Variants in MC5R observed in about 807,000 individuals in gnomAD.
The protein encoded by MC5R is melanocortin receptor 5.
For synonymous variants in MC5R, 167 were observed against 164.4 expected (o/e 1.02, Z -0.12); for missense variants, 420 against 431.4 (o/e 0.97, Z 0.23).
In MC5R at chr18:13,826,598, A is replaced by G. The variant is rs760570894; in HGVS notation, c.833A>G (p.Asn278Ser). The G allele has an allele frequency of 2.5e-6, 4 of 1,614,068 alleles. No individual in the cohort carries two copies. The highest frequency in any genetic ancestry group is 2.2e-5 in the East Asian group (1 of 44,860). The change falls in exon 2 of 2, where the codon AAT (asparagine) becomes AGT (serine). Residue 278 changes from asparagine (N) to serine (S), a missense_variant. Coordinates refer to ENST00000589410, the MANE Select transcript of MC5R (RefSeq NM_005913.3). Reference protein sequence around the residue: ...LYCSRFMSHFNMYLILIMCNS... With the variant: ...LYCSRFMSHFSMYLILIMCNS... ...TGCTCTCGCTTCATGTCTCACTTCA[A>G]TATGTACCTCATACTCATCATGTGT...
In MC5R at chr18:13,825,798, T is replaced by G; in HGVS notation, c.33T>G (p.Asp11Glu). Residue 11 changes from aspartate to glutamate, a missense_variant, in exon 2 of 2, where the codon GAT becomes GAG. Transcript: ENST00000589410. MNSSFHLHFLDLNLNATEGNL... is the reference protein window; with the variant it reads MNSSFHLHFLELNLNATEGNL... ...CCTCATTTCACCTGCATTTCTTGGA[T>G]CTCAACCTGAATGCCACAGAGGGCA... is the stretch of plus-strand genomic sequence containing the variant. 6.3e-7 allele frequency: 1 copy of G among 1,591,564 alleles called. No individual in the cohort carries two copies. Among genetic ancestry groups the G allele is most frequent in the Non-Finnish European group, 8.5e-7 (1 of 1,171,316 alleles).
Position 13,826,435 on chromosome 18 carries a change from G to T in MC5R, c.670G>T (p.Gly224Trp), listed in dbSNP as rs761533746. The stretch of plus-strand genomic sequence containing the variant: ...CGTCAAGCGGATCGCGGCTCTGCCC[G>T]GGGCCAGCTCTGCGCGGCAGAGGAC... ...THVKRIAALP[G>W]ASSARQRTSM... The change falls in exon 2 of 2, where the codon GGG becomes TGG. Residue 224 changes from glycine to tryptophan, a missense_variant. Physicochemically the swap from Gly to Trp is radical, Grantham distance 184. Coordinates refer to ENST00000589410, the MANE Select transcript of MC5R (RefSeq NM_005913.3). 1 of 1,613,798 alleles carries T rather than the reference G, an allele frequency of 6.2e-7. No individual in the cohort carries two copies. The highest frequency in any genetic ancestry group is 1.3e-5 in the African/African-American group (1 of 75,022).
Position 13,825,971 on chromosome 18 carries a change from C to T in MC5R, c.206C>T (p.Ser69Phe), listed in dbSNP as rs981025616. The T allele has an allele frequency of 3.7e-6, 6 of 1,613,986 alleles. No individual in the cohort carries two copies. The African/African-American group carries it at 8.0e-5, about 22-fold the overall frequency. The stretch of plus-strand genomic sequence containing the variant: ...ATAGTGAAGAACAAAAACCTGCACT[C>T]CCCCATGTACTTCTTCGTGTGCAGC... ...GAIVKNKNLHSPMYFFVCSLA... is the reference protein window; with the variant it reads ...GAIVKNKNLHFPMYFFVCSLA... Residue 69 changes from serine (S) to phenylalanine (F), a missense_variant, in exon 2 of 2, where the codon TCC (serine) becomes TTC (phenylalanine). Physicochemically the swap from Ser to Phe is radical, Grantham distance 155. Transcript: ENST00000589410.
rs1374787544 is a variant in MC5R at position 13,826,957 on chromosome 18, T to C, written c.*214T>C. On this transcript the variant is annotated 3_prime_UTR_variant, in exon 2 of 2. Transcript: ENST00000589410. The stretch of plus-strand genomic sequence containing the variant: ...TCTGGGGACAGTCATGACAATTTCT[T>C]ACTGTCCTTTTGTGTCCTATGGTTT... 2.7e-5 allele frequency: 15 copies of C among 550,288 alleles called. 1 individual carries two copies. Among genetic ancestry groups the C allele is most frequent in the Non-Finnish European group, 4.4e-5 (14 of 317,480 alleles). 34.1% of individuals were successfully genotyped at this position (550,288 alleles called of 1,614,324 possible). A position where few individuals can be genotyped will look rare whatever the true frequency, so the allele number is the denominator to read the frequency against.
chr18:13,825,280 G>T (rs990620031), intron 1 of MC5R, among the ~76,000 whole-genome samples: 6 of 152,310 alleles, frequency 3.9e-5, no homozygotes, highest in African/African-American at 1.4e-4. Flanking sequence ...GCCATAAAAA[G>T]TGAAACTGTC....
In MC5R at chr18:13,825,462, G is replaced by A. The variant is rs1012960400; in HGVS notation, c.-39-265G>A. The A allele has an allele frequency of 4.3e-5, 11 of 256,784 alleles. No homozygotes were observed. In the Admixed American group the frequency reaches 5.0e-4, roughly 12 times the overall value. The allele number at this position is 256,784 out of a possible 1,614,324, so 15.9% of individuals were successfully genotyped here. On this transcript the variant is annotated intron_variant, in intron 1 of 1. Coordinates refer to ENST00000589410, the MANE Select transcript of MC5R (RefSeq NM_005913.3). ...GTGCAAGCCAGCTGCCGGGCACGTG[G>A]CTCACCCCTGTAGTACCAGCACTTT...
In MC5R at chr18:13,826,593, C is replaced by T. The variant is rs1408719364; in HGVS notation, c.828C>T (p.His276=). The change falls in exon 2 of 2, where the codon CAC becomes CAT. Residue 276 remains histidine, a synonymous_variant. Coordinates refer to ENST00000589410, the MANE Select transcript of MC5R (RefSeq NM_005913.3). The part of the protein sequence containing the change: ...QNLYCSRFMS[H]FNMYLILIMC... The stretch of plus-strand genomic sequence containing the variant: ...TCTACTGCTCTCGCTTCATGTCTCA[C>T]TTCAATATGTACCTCATACTCATCA... 10 of 1,614,062 alleles carry T rather than the reference C, an allele frequency of 6.2e-6. No homozygotes were observed. Among genetic ancestry groups the T allele is most frequent in the Middle Eastern group, 1.6e-4 (1 of 6,082 alleles).
At position 13,827,040 on chromosome 18, in the gene MC5R, C is replaced by T. The variant is rs534161874; in HGVS notation, c.*297C>T. 59 of 340,590 alleles carry T rather than the reference C, an allele frequency of 1.7e-4. No homozygotes were observed. The Admixed American group carries it at 2.1e-3, about 12-fold the overall frequency. The allele number at this position is 340,590 out of a possible 1,614,324, so 21.1% of individuals were successfully genotyped here. ...CCACCCTCCACCTAGCAGGCATGTG[C>T]TCGGGGAATGCACAGCACCCTCAGT... is the stretch of plus-strand genomic sequence containing the variant. On this transcript the variant is annotated 3_prime_UTR_variant, in exon 2 of 2. Coordinates refer to ENST00000589410, the MANE Select transcript of MC5R (RefSeq NM_005913.3).
intron 1 of MC5R, chr18:13,825,434 A>C: frequency 4.7e-6 from 1 of 212,718 alleles, no homozygotes. Flanking sequence ...CGCAGGTCAG[A>C]ATGTGCAAGC....
intron 1 of MC5R, among the ~76,000 whole-genome samples, chr18:13,825,059 G>C (rs2044919660): frequency 6.6e-6 from 1 of 152,198 alleles, no homozygotes; most frequent in Non-Finnish European, 1.5e-5. Flanking sequence ...GCTGAATCCT[G>C]ATGGGTCTAA....
At position 13,825,974 on chromosome 18, in the gene MC5R, C is replaced by T; in HGVS notation, c.209C>T (p.Pro70Leu). Residue 70 changes from proline to leucine, a missense_variant, in exon 2 of 2, where the codon CCC (proline) becomes CTC (leucine). Coordinates refer to ENST00000589410, the MANE Select transcript of MC5R (RefSeq NM_005913.3). Reference sequence around the variant, plus strand: ...GTGAAGAACAAAAACCTGCACTCCCCCATGTACTTCTTCGTGTGCAGCCTG... The same window carrying T: ...GTGAAGAACAAAAACCTGCACTCCCTCATGTACTTCTTCGTGTGCAGCCTG... The part of the protein sequence containing the change: ...AIVKNKNLHS[P>L]MYFFVCSLAV... 6.2e-7 allele frequency: 1 copy of T among 1,614,138 alleles called. No homozygotes were observed. Among genetic ancestry groups the T allele is most frequent in the Non-Finnish European group, 8.5e-7 (1 of 1,180,006 alleles).
Position 13,826,885 on chromosome 18 carries a change from T to A in MC5R, c.*142T>A. ...ACATGGGCCTAAGAGGCTCTCTCTG[T>A]TCAGTTCCTGGTGATTATGTCCAAC... On this transcript the variant is annotated 3_prime_UTR_variant, in exon 2 of 2. Coordinates refer to ENST00000589410, the MANE Select transcript of MC5R (RefSeq NM_005913.3). 1.2e-6 allele frequency: 1 copy of A among 839,724 alleles called. No homozygotes were observed. Among genetic ancestry groups the A allele is most frequent in the East Asian group, 2.6e-5 (1 of 38,678 alleles). 52.0% of individuals were successfully genotyped at this position (839,724 alleles called of 1,614,324 possible).
Position 13,826,170 on chromosome 18 carries a change from C to A in MC5R, c.405C>A (p.Ala135=), listed in dbSNP as rs1228694745. ...SVVASMCSLL[A]IAVDRYVTIF... ...TGGCATCCATGTGCAGCTTACTGGC[C>A]ATTGCAGTGGATAGGTACGTCACCA... The change falls in exon 2 of 2, where the codon GCC becomes GCA. Residue 135 remains alanine, a synonymous_variant. Transcript: ENST00000589410. 3 of 1,614,128 alleles carry A rather than the reference C, an allele frequency of 1.9e-6. No individual in the cohort carries two copies. In the African/African-American group the frequency reaches 4.0e-5, roughly 22 times the overall value.
In MC5R at chr18:13,826,460, C is replaced by G; in HGVS notation, c.695C>G (p.Thr232Ser). The G allele has an allele frequency of 1.2e-6, 2 of 1,613,766 alleles. No individual in the cohort carries two copies. The highest frequency in any genetic ancestry group is 8.5e-7 in the Non-Finnish European group (1 of 1,179,734). ...LPGASSARQR[T>S]SMQGAVTVTM... Reference sequence around the variant, plus strand: ...GGGGCCAGCTCTGCGCGGCAGAGGACCAGCATGCAGGGCGCGGTCACCGTC... The same window carrying G: ...GGGGCCAGCTCTGCGCGGCAGAGGAGCAGCATGCAGGGCGCGGTCACCGTC... The change falls in exon 2 of 2, where the codon ACC (threonine) becomes AGC (serine). Residue 232 changes from threonine to serine, a missense_variant. Coordinates refer to ENST00000589410, the MANE Select transcript of MC5R (RefSeq NM_005913.3).
chr18:13,825,245 T>C (rs1434226163), intron 1 of MC5R, among the ~76,000 whole-genome samples: 1 of 152,142 alleles, frequency 6.6e-6, no homozygotes, highest in African/African-American at 2.4e-5. Context: ...ACACTTATGA[T>C]AGTGAACTTG....
chr18:13,824,823 A>G lies in MC5R; in HGVS notation c.-40+549A>G, dbSNP rs552380582. Among the ~76,000 whole-genome samples, 56 of 151,782 alleles carry G rather than the reference A, an allele frequency of 3.7e-4. No homozygotes were observed. In the South Asian group the frequency reaches 0.01, roughly 28 times the overall value. ...TAAATTGCTGTTTTTTTTTTTAAAT[A>G]CTGTGCTCACGCGGACCTAATAAAC... On this transcript the variant is annotated intron_variant, in intron 1 of 1. Transcript: ENST00000589410.
chr18:13,826,413 C>T lies in MC5R; in HGVS notation c.648C>T (p.Val216=). The T allele has an allele frequency of 1.2e-6, 2 of 1,614,008 alleles. No homozygotes were observed. Among genetic ancestry groups the T allele is most frequent in the Non-Finnish European group, 1.7e-6 (2 of 1,179,928 alleles). Residue 216 remains valine (V), a synonymous_variant, in exon 2 of 2, where the codon GTC becomes GTT. Transcript: ENST00000589410. ...TGTTCCTCCTGGCGCGGACTCACGTCAAGCGGATCGCGGCTCTGCCCGGGG... is the reference window on the plus strand; with the variant it reads ...TGTTCCTCCTGGCGCGGACTCACGTTAAGCGGATCGCGGCTCTGCCCGGGG... ...IHMFLLARTH[V]KRIAALPGAS... is the part of the protein sequence containing the mutation.
rs748012920 is a variant in MC5R, at chr18:13,826,027, T to A, written c.262T>A (p.Ser88Thr). The A allele has an allele frequency of 1.2e-5, 20 of 1,614,030 alleles. No individual in the cohort carries two copies. Among genetic ancestry groups the A allele is most frequent in the African/African-American group, 2.7e-5 (2 of 74,918 alleles). Residue 88 changes from serine to threonine, a missense_variant, in exon 2 of 2, where the codon TCC (serine) becomes ACC (threonine). By Grantham distance (58) the Ser-to-Thr change is moderately conservative. Transcript: ENST00000589410. ...AGTGGCGGACATGCTGGTGAGCATG[T>A]CCAGTGCCTGGGAGACCATCACCAT... ...LAVADMLVSM[S>T]SAWETITIYL...
intron 1 of MC5R, 198 bp from the exon 2 acceptor site, chr18:13,825,529 G>C: frequency 2.5e-6 from 1 of 393,526 alleles, no homozygotes; most frequent in Non-Finnish European, 4.4e-6. Context: ...AGGAGTTTGA[G>C]ACCAGACTGG....
Sources: allele counts gnomAD v4.1 joint callset (sites outside exome capture counted in the v4.1 genomes callset), GRCh38; gene constraint gnomAD v4.1.1; transcripts MANE v1.5; gene names NCBI Gene and HGNC (gene_info 2026-07-23, HGNC 2026-07-21).